The following DGKH variants were observed in gnomAD, a reference collection of about 807,000 sequenced individuals.
DGKH encodes DAG kinase eta.
Under a neutral mutation model 159.3 loss-of-function variants are expected in DGKH, and 90 were observed. The observed-to-expected ratio is 0.57, with a 90% CI of 0.48 to 0.67. The LOEUF (loss-of-function observed/expected upper bound fraction) is 0.67, where lower values mean the gene tolerates loss of function less well. Ranked by LOEUF, DGKH falls within the 30% of genes least tolerant of loss-of-function variation. The probability of loss-of-function intolerance (pLI) is 0.00; values close to 1 mark genes in which losing one functional copy is unlikely to be tolerated. For synonymous variants in DGKH, 536 were observed against 553.8 expected (o/e 0.97, Z 0.45); for missense variants, 1,181 against 1,506.1 (o/e 0.78, Z 3.57).
rs1958350866 is a variant in DGKH, at chr13:42,233,549, C to G, written c.*4361C>G. On this transcript the variant is annotated 3_prime_UTR_variant, in exon 30 of 30. Coordinates refer to ENST00000337343, the MANE Select transcript of DGKH (RefSeq NM_178009.5). ...AGCTAACTCCAGCAATGAGCTGAAA[C>G]TCATTCATCACCCTTGCTGAGTTTT... is the stretch of plus-strand genomic sequence containing the variant. The G allele has an allele frequency of 1.3e-5, 2 of 152,244 alleles. No individual in the cohort carries two copies. The highest frequency in any genetic ancestry group is 2.1e-4 in the South Asian group (1 of 4,832). 9.4% of individuals were successfully genotyped at this position (152,244 alleles called of 1,614,324 possible). A position where few individuals can be genotyped will look rare whatever the true frequency, so the allele number is the denominator to read the frequency against.
intron 7 of DGKH, among the ~76,000 whole-genome samples, chr13:42,163,859 T>G (rs1190207798): frequency 6.6e-6 from 1 of 152,136 alleles, no homozygotes; most frequent in Non-Finnish European, 1.5e-5. Flanking sequence ...AGAAGCTCTT[T>G]AGTTTAATTA....
chr13:42,112,936 C>A (rs1954891917), intron 1 of DGKH, among the ~76,000 whole-genome samples: 1 of 152,166 alleles, frequency 6.6e-6, no homozygotes, highest in African/African-American at 2.4e-5. Context: ...AGTCCAGTAC[C>A]CATGCAGCTC....
Position 42,219,302 on chromosome 13 carries a change from A to T in DGKH, c.3286A>T (p.Thr1096Ser). 6.2e-7 allele frequency: 1 copy of T among 1,614,024 alleles called. No homozygotes were observed. Among genetic ancestry groups the T allele is most frequent in the Non-Finnish European group, 8.5e-7 (1 of 1,179,928 alleles). ...TGTGGAGGTGGAATTACAGAAACTG[A>T]CAGAGATTCCTTGGCTTTATTATAT... ...HSVEVELQKLTEIPWLYYILH... is the reference protein window; with the variant it reads ...HSVEVELQKLSEIPWLYYILH... Residue 1096 changes from threonine (T) to serine (S), a missense_variant, in exon 27 of 30, where the codon ACA becomes TCA. This residue lies in a region of DGKH where 335 missense variants were observed against 495.2 expected (regional missense o/e 0.68). Coordinates refer to ENST00000337343, the MANE Select transcript of DGKH (RefSeq NM_178009.5).
At chr13:42,097,709 C>T (rs1210775158) in intron 1 of DGKH, among the ~76,000 whole-genome samples, 1 of 152,166 alleles carries the variant, frequency 6.6e-6, no homozygotes, top group African/African-American at 2.4e-5. Context: ...GGACCCTCTC[C>T]AGAATAAACC....
chr13:42,100,347 A>G (rs1266829561), intron 1 of DGKH, among the ~76,000 whole-genome samples: 1 of 152,196 alleles, frequency 6.6e-6, no homozygotes, highest in Non-Finnish European at 1.5e-5. Context: ...CTGATTGTAC[A>G]TTATGGTGAG....
chr13:42,236,177 A>G lies in DGKH; in HGVS notation c.*6989A>G, dbSNP rs1446604404. ...AAGAAGGTTTCCACAAGTTGTATAAATCAGTGCATTTATTTATTATGTTGT... is the reference window on the plus strand; with the variant it reads ...AAGAAGGTTTCCACAAGTTGTATAAGTCAGTGCATTTATTTATTATGTTGT... On this transcript the variant is annotated 3_prime_UTR_variant, in exon 30 of 30. Transcript: ENST00000337343. The G allele has an allele frequency of 3.3e-5, 5 of 152,330 alleles. No individual in the cohort carries two copies. In the East Asian group the frequency reaches 5.8e-4, roughly 18 times the overall value. 9.4% of individuals were successfully genotyped at this position (152,330 alleles called of 1,614,324 possible).
intron 20 of DGKH, among the ~76,000 whole-genome samples, chr13:42,201,003 A>T (rs548949748): frequency 2.8e-4 from 42 of 151,280 alleles, no homozygotes; most frequent in East Asian, 9.7e-4. Context: ...TTATTTATTT[A>T]TTTTTTTGAG....
chr13:42,174,275 G>A, intron 12 of DGKH, 131 bp downstream of exon 12: 1 of 744,462 alleles, frequency 1.3e-6, no homozygotes. Context: ...TTTGGGGTAT[G>A]GTCTCATTGA....
chr13:42,040,971 C>T (rs1880461545), intron 1 of DGKH, among the ~76,000 whole-genome samples: 1 of 151,290 alleles, frequency 6.6e-6, no homozygotes, highest in East Asian at 2.0e-4. Context: ...CCCACCCCCT[C>T]CCGCTTCTCC....
At chr13:42,125,612 A>G (rs190369422) in intron 1 of DGKH, among the ~76,000 whole-genome samples, 2 of 152,360 alleles carry the variant, frequency 1.3e-5, no homozygotes, top group Non-Finnish European at 2.9e-5. Context: ...ATTAAATTGT[A>G]ATGATTTCAT....
intron 1 of DGKH, among the ~76,000 whole-genome samples, chr13:42,042,435 A>G (rs1403010622): frequency 1.3e-5 from 2 of 152,222 alleles, no homozygotes; most frequent in Admixed American, 6.5e-5. Context: ...TATTTTCCAC[A>G]GAAAATATTC....
At chr13:42,195,231 T>C (rs1156782879) in intron 17 of DGKH, among the ~76,000 whole-genome samples, 1 of 152,190 alleles carries the variant, frequency 6.6e-6, no homozygotes, top group Non-Finnish European at 1.5e-5. Flanking sequence ...CCAGGTGCAG[T>C]GGCTCACACC....
At chr13:42,165,168 T>C (rs888155729) in intron 7 of DGKH, among the ~76,000 whole-genome samples, 163 bp from the exon 8 acceptor site, 8 of 152,164 alleles carry the variant, frequency 5.3e-5, no homozygotes, top group African/African-American at 1.9e-4. Flanking sequence ...CTAAAATGTT[T>C]AGTCATTTCC....
chr13:42,222,280 T>G (rs567960171), intron 29 of DGKH, among the ~76,000 whole-genome samples: 2 of 152,342 alleles, frequency 1.3e-5, no homozygotes, highest in South Asian at 2.1e-4. Flanking sequence ...TAAAATGCAT[T>G]AAATTTTATC....
Position 42,242,425 on chromosome 13 carries a change from C to G in DGKH, c.*13237C>G, listed in dbSNP as rs1958531860. ...CAGAAAAGAGTGAAACTTTTAACTGCTTAGCACACTTGCCAGTGAAATATA... is the reference window on the plus strand; with the variant it reads ...CAGAAAAGAGTGAAACTTTTAACTGGTTAGCACACTTGCCAGTGAAATATA... On this transcript the variant is annotated 3_prime_UTR_variant, in exon 30 of 30. Transcript: ENST00000337343. 6.6e-6 allele frequency: 1 copy of G among 152,174 alleles called. No individual in the cohort carries two copies. Among genetic ancestry groups the G allele is most frequent in the Admixed American group, 6.5e-5 (1 of 15,272 alleles). 9.4% of individuals were successfully genotyped at this position (152,174 alleles called of 1,614,324 possible). A position where few individuals can be genotyped will look rare whatever the true frequency, so the allele number is the denominator to read the frequency against.
At chr13:42,082,185 G>A (rs1032501505) in intron 1 of DGKH, among the ~76,000 whole-genome samples, 2 of 151,806 alleles carry the variant, frequency 1.3e-5, no homozygotes, top group African/African-American at 4.8e-5. Context: ...GGCTCATGAG[G>A]AGACCTGCAT....
intron 1 of DGKH, among the ~76,000 whole-genome samples, chr13:42,106,059 G>A (rs1041214138): frequency 6.6e-6 from 1 of 151,634 alleles, no homozygotes; most frequent in African/African-American, 2.4e-5. Context: ...CCAGGCTGGA[G>A]TGCAGTGGCA....
chr13:42,183,076 C>G (rs147915717), intron 13 of DGKH, among the ~76,000 whole-genome samples: 2 of 152,026 alleles, frequency 1.3e-5, no homozygotes, highest in African/African-American at 4.8e-5. Context: ...ATTACTTGAG[C>G]CCAGGAGTTC....
At chr13:42,247,319 C>T (rs1030335510), downstream of DGKH, among the ~76,000 whole-genome samples, 9 of 150,626 alleles carry the variant, frequency 6.0e-5, no homozygotes, top group Admixed American at 2.0e-4. Flanking sequence ...CAACCTGTGC[C>T]TCCTGGGTTC....
Sources: allele counts gnomAD v4.1 joint callset (sites outside exome capture counted in the v4.1 genomes callset), GRCh38; gene constraint gnomAD v4.1.1; regional missense constraint gnomAD v4.1.1; transcripts MANE v1.5; gene names NCBI Gene and HGNC (gene_info 2026-07-23, HGNC 2026-07-21).